Variants in CDKN2B-AS1 observed in about 807,000 individuals in gnomAD.
CDKN2B-AS1 encodes CDKN2B and CDKN2A antisense cis and trans regulatory RNA 1.
intron 4 of CDKN2B-AS1, among the ~76,000 whole-genome samples, chr9:22,063,146 TTTACATCAAGAGGATAAC>T (rs1266549790): frequency 6.6e-6 from 1 of 152,082 alleles, no homozygotes; most frequent in East Asian, 1.9e-4. Context: ...TCCAAAGGCC[TTTACATCAAGAGGATAAC>T]TGAAGCTATA....
intron 1 of CDKN2B-AS1, chr9:22,002,792 C>A: frequency 2.5e-5 from 4 of 160,560 alleles, no homozygotes; most frequent in Non-Finnish European, 2.7e-5. Flanking sequence ...CTAATTTTAA[C>A]CATTTAAGGC....
At chr9:22,055,337 G>A (rs777241232) in intron 3 of CDKN2B-AS1, among the ~76,000 whole-genome samples, 56 of 152,260 alleles carry the variant, frequency 3.7e-4, no homozygotes, top group Middle Eastern at 3.4e-3. Context: ...TTTAAACCAA[G>A]GCTTGGATTA....
chr9:22,119,785 T>A (rs1041234553), intron 4 of CDKN2B-AS1: 17 of 152,198 alleles, frequency 1.1e-4, no homozygotes, highest in African/African-American at 4.1e-4. Flanking sequence ...GCTAGTTGTT[T>A]GTAGTAAAAT....
rs950239764 is a variant in CDKN2B-AS1 at position 21,997,190 on chromosome 9, T to C, written n.29+2029T>C. ...CTAGGCTGCAAACCTTTACAACATG[T>C]TACTATACTGAATACTGTAGATAAT... On this transcript the variant is annotated intron_variant and non_coding_transcript_variant, in intron 1 of 4. Coordinates refer to ENST00000650946, the Ensembl canonical transcript of CDKN2B-AS1. The surrounding 1 kb of genome is among the most constrained non-coding windows in gnomAD (Gnocchi z 4.8). Among the ~76,000 whole-genome samples the C allele has an allele frequency of 6.6e-6, 1 of 152,192 alleles. No homozygotes were observed. Among genetic ancestry groups the C allele is most frequent in the Non-Finnish European group, 1.5e-5 (1 of 68,032 alleles).
chr9:22,073,144 A>G (rs1371633070), intron 4 of CDKN2B-AS1, among the ~76,000 whole-genome samples: 1 of 152,194 alleles, frequency 6.6e-6, no homozygotes, highest in African/African-American at 2.4e-5. Flanking sequence ...TCATACTTTT[A>G]TAAAGGGACC....
intron 1 of CDKN2B-AS1, chr9:22,008,737 G>T: frequency 1.2e-6 from 2 of 1,610,586 alleles, no homozygotes; most frequent in African/African-American, 1.3e-5. Context: ...GCCCCGATCC[G>T]CCGAGGCCGC....
At chr9:22,057,858 A>G (rs901913519) in intron 4 of CDKN2B-AS1, among the ~76,000 whole-genome samples, 2 of 151,834 alleles carry the variant, frequency 1.3e-5, no homozygotes, top group Non-Finnish European at 2.9e-5. Context: ...GCTCATGCCT[A>G]TATTTCTAGC....
chr9:22,099,634 C>G (rs1563981345), intron 4 of CDKN2B-AS1, among the ~76,000 whole-genome samples: 1 of 152,032 alleles, frequency 6.6e-6, no homozygotes, highest in East Asian at 1.9e-4. Flanking sequence ...CTGATAGCAT[C>G]TCAAATTAGA....
At chr9:22,016,674 C>G (rs1821777775) in intron 1 of CDKN2B-AS1, among the ~76,000 whole-genome samples, 1 of 152,024 alleles carries the variant, frequency 6.6e-6, no homozygotes, top group African/African-American at 2.4e-5. Context: ...CTTTGACAAA[C>G]CTGAGAAAAA....
At chr9:22,104,330 C>T (rs1212877818) in intron 4 of CDKN2B-AS1, among the ~76,000 whole-genome samples, 3 of 152,230 alleles carry the variant, frequency 2.0e-5, no homozygotes, top group African/African-American at 7.2e-5. Flanking sequence ...TAGCTAGAGG[C>T]CATGTGAGAT....
rs1820609896 is a variant in CDKN2B-AS1, at chr9:21,995,408, A to C, written n.29+247A>C. The C allele has an allele frequency of 1.3e-5, 2 of 152,494 alleles. No homozygotes were observed. The highest frequency in any genetic ancestry group is 4.8e-5 in the African/African-American group (2 of 41,396). 9.4% of individuals were successfully genotyped at this position (152,494 alleles called of 1,614,324 possible). A position where few individuals can be genotyped will look rare whatever the true frequency, so the allele number is the denominator to read the frequency against. On this transcript the variant is annotated intron_variant and non_coding_transcript_variant, in intron 1 of 4. Coordinates refer to ENST00000650946, the Ensembl canonical transcript of CDKN2B-AS1. This position sits in a 1 kb window ranked among gnomAD's most constrained non-coding sequence, Gnocchi z 5.7. ...TCCTGTCGCCGCGTCCTCGCGTAGA[A>C]TGGTTGTCTTGGCGACCGTTGGCCG...
At chr9:22,091,325 C>T (rs1256183971) in intron 4 of CDKN2B-AS1, among the ~76,000 whole-genome samples, 1 of 152,050 alleles carries the variant, frequency 6.6e-6, no homozygotes, top group Non-Finnish European at 1.5e-5. Context: ...TTTTTGGTTC[C>T]ATATGAACTT....
intron 4 of CDKN2B-AS1, chr9:22,097,233 C>T (rs1825314996): frequency 6.6e-6 from 1 of 152,222 alleles, no homozygotes; most frequent in African/African-American, 2.4e-5. Context: ...TGGATTTCCC[C>T]TAACTAGTCT....
At chr9:22,105,093 A>G (rs1427986768) in intron 4 of CDKN2B-AS1, among the ~76,000 whole-genome samples, 1 of 152,216 alleles carries the variant, frequency 6.6e-6, no homozygotes, top group Non-Finnish European at 1.5e-5. Flanking sequence ...TTGAAGAAAG[A>G]TGATTGAAAC....
intron 4 of CDKN2B-AS1, among the ~76,000 whole-genome samples, chr9:22,084,231 T>C (rs768738437): frequency 5.6e-4 from 85 of 152,214 alleles, no homozygotes; most frequent in Non-Finnish European, 9.6e-4. Context: ...AGTCTCTTTC[T>C]GACTCTAGGC....
intron 4 of CDKN2B-AS1, among the ~76,000 whole-genome samples, chr9:22,114,329 A>G (rs879915922): frequency 1.4e-4 from 21 of 152,196 alleles, no homozygotes; most frequent in African/African-American, 4.1e-4. Context: ...TCCCTTAAAT[A>G]TATCTCTACT....
intron 4 of CDKN2B-AS1, among the ~76,000 whole-genome samples, chr9:22,091,326 A>G (rs1188864634): frequency 6.6e-6 from 1 of 152,142 alleles, no homozygotes; most frequent in African/African-American, 2.4e-5. Context: ...TTTTGGTTCC[A>G]TATGAACTTT....
chr9:22,047,363 T>A lies in CDKN2B-AS1; in HGVS notation n.179+463T>A, dbSNP rs920621716. 2.0e-5 allele frequency among the ~76,000 whole-genome samples: 3 copies of A among 152,264 alleles called. No homozygotes were observed. The East Asian group carries it at 5.8e-4, about 29-fold the overall frequency. On this transcript the variant is annotated intron_variant and non_coding_transcript_variant, in intron 2 of 4. Transcript: ENST00000650946. ...AGTTTCAGAGGGAAAGACCACATGC[T>A]GGTGATTTGGTGAGAAAGAAGCAAC...
At chr9:22,125,538 A>G (rs544680493) in intron 4 of CDKN2B-AS1, among the ~76,000 whole-genome samples, 220 of 152,348 alleles carry the variant, frequency 1.4e-3, no homozygotes, top group African/African-American at 5.1e-3. Context: ...AGCAAGATAT[A>G]TGGTAAATAC....
Sources: gnomAD v4.1 joint callset for allele counts (sites outside exome capture counted in the v4.1 genomes callset) on GRCh38, gnomAD v4.1.1 for gene constraint, Gnocchi (gnomAD v3.1) non-coding constraint, MANE v1.5 for transcripts, NCBI Gene and HGNC (gene_info 2026-07-23, HGNC 2026-07-21) for gene names.